Variants in PRRG4 observed in about 807,000 individuals in gnomAD.
PRRG4 encodes proline rich and Gla domain 4.
Under a neutral mutation model 20.0 loss-of-function variants are expected in PRRG4, and 12 were observed. The observed-to-expected ratio is 0.60, with a 90% CI of 0.38 to 0.97. The LOEUF (loss-of-function observed/expected upper bound fraction) is 0.97. PRRG4 is among the 50% of genes least tolerant of loss of function. The pLI is 0.00. For missense variants in PRRG4, 199 were observed against 265.1 expected (o/e 0.75, Z 1.73); for synonymous variants, 94 against 96.4 (o/e 0.98, Z 0.15).
At chr11:32,833,312 T>C (rs901402817) in intron 2 of PRRG4, among the ~76,000 whole-genome samples, 4 of 152,216 alleles carry the variant, frequency 2.6e-5, no homozygotes, top group Admixed American at 2.6e-4. Flanking sequence ...GATATTGGCA[T>C]AAATATTATT....
rs1362934014 is a variant in PRRG4, at chr11:32,856,650, T to G, written c.*3123T>G. The G allele has an allele frequency of 6.6e-6, 1 of 152,180 alleles. No homozygotes were observed. Among genetic ancestry groups the G allele is most frequent in the Non-Finnish European group, 1.5e-5 (1 of 68,034 alleles). 9.4% of individuals were successfully genotyped at this position (152,180 alleles called of 1,614,324 possible). A position where few individuals can be genotyped will look rare whatever the true frequency, so the allele number is the denominator to read the frequency against. ...AGGTTTTATATATAATTAGATCAGT[T>G]TTCCACTTTATTACAATTAAGAAAT... is the stretch of plus-strand genomic sequence containing the variant. On this transcript the variant is annotated 3_prime_UTR_variant, in exon 6 of 6. Coordinates refer to ENST00000257836, the MANE Select transcript of PRRG4 (RefSeq NM_024081.6).
rs779582727 is a variant in PRRG4, at chr11:32,840,082, T to C, written c.317-25T>C. On this transcript the variant is annotated intron_variant, in intron 4 of 5. Transcript: ENST00000257836. The surrounding 1 kb of genome is among the most constrained non-coding windows in gnomAD (Gnocchi z 4.1). The stretch of plus-strand genomic sequence containing the variant: ...TGATGCTATATAGTTGTTATATTTA[T>C]GTTATTTTAATGATTTATTTTAAGA... 4.6e-6 allele frequency: 7 copies of C among 1,536,854 alleles called. No individual in the cohort carries two copies. Among genetic ancestry groups the C allele is most frequent in the Non-Finnish European group, 6.3e-6 (7 of 1,111,810 alleles).
intron 2 of PRRG4, among the ~76,000 whole-genome samples, chr11:32,836,298 C>T (rs1227452838): frequency 6.6e-6 from 1 of 151,994 alleles, no homozygotes; most frequent in South Asian, 2.1e-4. Flanking sequence ...CCATGATGCC[C>T]CACTAATTTT....
At chr11:32,835,850 T>C (rs1217550945) in intron 2 of PRRG4, among the ~76,000 whole-genome samples, 2 of 152,176 alleles carry the variant, frequency 1.3e-5, no homozygotes, top group African/African-American at 4.8e-5. Context: ...ACACCTGTAA[T>C]CCCAGCACTT....
chr11:32,829,819 G>C, upstream of PRRG4: 9 of 985,412 alleles, frequency 9.1e-6, no homozygotes, highest in Non-Finnish European at 9.6e-6. Context: ...GCGCAGCGCG[G>C]GCTCCCGGGA....
intron 3 of PRRG4, 40 bp downstream of exon 3, chr11:32,836,861 A>T (rs1022689707): frequency 3.2e-6 from 5 of 1,556,098 alleles, no homozygotes; most frequent in Non-Finnish European, 4.4e-6. Flanking sequence ...GAAATGTTAA[A>T]TTGTACTTAA....
chr11:32,839,812 T>C (rs1291188888), intron 4 of PRRG4, among the ~76,000 whole-genome samples: 3 of 146,712 alleles, frequency 2.0e-5, no homozygotes, highest in East Asian at 2.0e-4. Context: ...AAATAGTATA[T>C]TTTAAATATT....
At chr11:32,834,471 T>C (rs921701634) in intron 2 of PRRG4, among the ~76,000 whole-genome samples, 1 of 152,176 alleles carries the variant, frequency 6.6e-6, no homozygotes, top group Non-Finnish European at 1.5e-5. Context: ...AATTATCCCA[T>C]TGTAGCTTCC....
chr11:32,830,025 C>CG lies in PRRG4; in HGVS notation c.-166dup. 2.0e-6 allele frequency: 2 copies of CG among 985,954 alleles called. No homozygotes were observed. The highest frequency in any genetic ancestry group is 2.4e-6 in the Non-Finnish European group (2 of 830,300). 61.1% of individuals were successfully genotyped at this position (985,954 alleles called of 1,614,324 possible). A position where few individuals can be genotyped will look rare whatever the true frequency, so the allele number is the denominator to read the frequency against. On this transcript the variant is annotated 5_prime_UTR_variant, in exon 1 of 6. Coordinates refer to ENST00000257836, the MANE Select transcript of PRRG4 (RefSeq NM_024081.6). ...CCCAGGCCCTTCCCAGGTTTGCGCGCGGGGGCCATCCAGACCCTGCGGAGA... is the reference window on the plus strand; with the variant it reads ...CCCAGGCCCTTCCCAGGTTTGCGCGCGGGGGGCCATCCAGACCCTGCGGAGA...
intron 2 of PRRG4, among the ~76,000 whole-genome samples, chr11:32,832,945 A>T (rs1850987725): frequency 6.6e-6 from 1 of 152,208 alleles, no homozygotes; most frequent in Non-Finnish European, 1.5e-5. Context: ...AAGACAGGAA[A>T]AATAGAGAAG....
intron 5 of PRRG4, among the ~76,000 whole-genome samples, chr11:32,841,399 A>G (rs1851077530): frequency 6.6e-6 from 1 of 152,242 alleles, no homozygotes; most frequent in African/African-American, 2.4e-5. Context: ...CATGAAAGAC[A>G]AAGACAGGCT....
chr11:32,833,432 A>G (rs1804232823), intron 2 of PRRG4, among the ~76,000 whole-genome samples: 1 of 152,196 alleles, frequency 6.6e-6, no homozygotes, highest in South Asian at 2.1e-4. Context: ...ACTGGAACAG[A>G]AGACTGTCAT....
chr11:32,849,922 A>G (rs1341818976), intron 5 of PRRG4, among the ~76,000 whole-genome samples: 1 of 152,198 alleles, frequency 6.6e-6, no homozygotes, highest in African/African-American at 2.4e-5. Flanking sequence ...AGAGAAAGTA[A>G]GGAAGAATTT....
intron 5 of PRRG4, among the ~76,000 whole-genome samples, chr11:32,841,673 G>A (rs189133096): frequency 2.0e-5 from 3 of 151,968 alleles, no homozygotes; most frequent in African/African-American, 2.4e-5. Context: ...AGCTGGGCAC[G>A]GTGGCCTGAG....
At chr11:32,848,081 G>A (rs1454127207) in intron 5 of PRRG4, among the ~76,000 whole-genome samples, 1 of 152,196 alleles carries the variant, frequency 6.6e-6, no homozygotes, top group African/African-American at 2.4e-5. Flanking sequence ...TTTATCTCTT[G>A]TAGTTCTGGA....
At chr11:32,830,288 C>A in intron 1 of PRRG4, 115 bp downstream of exon 1, 1 of 868,078 alleles carries the variant, frequency 1.2e-6, no homozygotes, top group Non-Finnish European at 1.5e-6. Context: ...CGACAGGTGC[C>A]CGATCAGCCC....
In PRRG4 at chr11:32,840,735, A is replaced by T. The variant is rs1851070038; in HGVS notation, c.449+496A>T. ...TTCATTTTTCAGTATTTCCTTCTTA[A>T]GCAAGAGGCAGATACCAGTGTCTTC... is the stretch of plus-strand genomic sequence containing the variant. On this transcript the variant is annotated intron_variant, in intron 5 of 5. Transcript: ENST00000257836. The surrounding 1 kb of genome is among the most constrained non-coding windows in gnomAD (Gnocchi z 4.1). Among the ~76,000 whole-genome samples, 1 of 152,234 alleles carries T rather than the reference A, an allele frequency of 6.6e-6. No individual in the cohort carries two copies. Among genetic ancestry groups the T allele is most frequent in the Non-Finnish European group, 1.5e-5 (1 of 68,038 alleles).
chr11:32,830,120 C>T lies in PRRG4; in HGVS notation c.-76C>T, dbSNP rs769314246. On this transcript the variant is annotated 5_prime_UTR_variant, in exon 1 of 6. Coordinates refer to ENST00000257836, the MANE Select transcript of PRRG4 (RefSeq NM_024081.6). Reference sequence around the variant, plus strand: ...AGGGCCTGGCGGCCGAAGGAACCGCCCCAAGAAGAGCCTCTGGCCCGGGGG... The same window carrying T: ...AGGGCCTGGCGGCCGAAGGAACCGCTCCAAGAAGAGCCTCTGGCCCGGGGG... 3.0e-6 allele frequency: 3 copies of T among 996,332 alleles called. No individual in the cohort carries two copies. Among genetic ancestry groups the T allele is most frequent in the Non-Finnish European group, 3.6e-6 (3 of 837,718 alleles). The allele number at this position is 996,332 out of a possible 1,614,324, so 61.7% of individuals were successfully genotyped here.
intron 5 of PRRG4, among the ~76,000 whole-genome samples, chr11:32,851,959 A>G: frequency 6.6e-6 from 1 of 152,216 alleles, no homozygotes; most frequent in Non-Finnish European, 1.5e-5. Flanking sequence ...TAGCCTAAAT[A>G]GATTGATTTA....
Sources: gnomAD v4.1 joint callset for allele counts (sites outside exome capture counted in the v4.1 genomes callset) on GRCh38, gnomAD v4.1.1 for gene constraint, Gnocchi (gnomAD v3.1) non-coding constraint, MANE v1.5 for transcripts, NCBI Gene and HGNC (gene_info 2026-07-23, HGNC 2026-07-21) for gene names.